The following JAZF1 variants were observed in gnomAD, a reference collection of about 807,000 sequenced individuals.
JAZF1 encodes the protein juxtaposed with another zinc finger protein 1.
Under a neutral mutation model 26.4 loss-of-function variants are expected in JAZF1, and 8 were observed. The observed-to-expected ratio is 0.30, with a 90% CI of 0.18 to 0.55. The LOEUF is 0.55. JAZF1 is among the 20% of genes least tolerant of loss of function. JAZF1 has a pLI of 0.94. For synonymous variants in JAZF1, 126 were observed against 122.3 expected (o/e 1.03, Z -0.20); for missense variants, 199 against 322.0 (o/e 0.62, Z 2.92).
chr7:28,120,303 A>G (rs1784818986), intron 1 of JAZF1, among the ~76,000 whole-genome samples: 1 of 151,874 alleles, frequency 6.6e-6, no homozygotes. Flanking sequence ...TGAACACTAC[A>G]GCCAAAGGAA....
intron 1 of JAZF1, among the ~76,000 whole-genome samples, chr7:28,118,429 C>A (rs944043798): frequency 2.0e-5 from 3 of 152,076 alleles, no homozygotes; most frequent in African/African-American, 7.2e-5. Flanking sequence ...GCAGGAGAAT[C>A]ACTTGAACCC....
intron 1 of JAZF1, among the ~76,000 whole-genome samples, chr7:28,067,783 T>C (rs762395801): frequency 6.6e-6 from 1 of 152,202 alleles, no homozygotes; most frequent in African/African-American, 2.4e-5. Context: ...ATCTTCAAAC[T>C]GTACAGATGG....
At chr7:27,952,552 G>C (rs1370240286) in intron 2 of JAZF1, among the ~76,000 whole-genome samples, 1 of 152,214 alleles carries the variant, frequency 6.6e-6, no homozygotes, top group African/African-American at 2.4e-5. Context: ...CTGAAATACA[G>C]ATCTGGCTAC....
chr7:27,921,549 C>T (rs909686063), intron 2 of JAZF1, among the ~76,000 whole-genome samples: 7 of 152,118 alleles, frequency 4.6e-5, no homozygotes, highest in Non-Finnish European at 7.4e-5. Context: ...TCGATTCTTC[C>T]AGAAGACTCA....
intron 1 of JAZF1, among the ~76,000 whole-genome samples, chr7:27,999,460 T>C (rs898618214): frequency 4.6e-5 from 7 of 152,108 alleles, no homozygotes; most frequent in African/African-American, 1.7e-4. Flanking sequence ...GGCAGGAACA[T>C]GAGGCTCTCG....
At chr7:27,887,988 C>T (rs1190557783) in intron 3 of JAZF1, among the ~76,000 whole-genome samples, 1 of 152,070 alleles carries the variant, frequency 6.6e-6, no homozygotes, top group Non-Finnish European at 1.5e-5. Flanking sequence ...AGGATTAGAA[C>T]AGAGTAGTAT....
At chr7:28,024,051 C>G (rs1783051204) in intron 1 of JAZF1, among the ~76,000 whole-genome samples, 2 of 151,478 alleles carry the variant, frequency 1.3e-5, no homozygotes, top group African/African-American at 4.9e-5. Context: ...TTTGGGAGGC[C>G]AAGGTGGGAG....
chr7:27,928,744 A>G (rs182896729), intron 2 of JAZF1, among the ~76,000 whole-genome samples: 44 of 152,350 alleles, frequency 2.9e-4, no homozygotes, highest in African/African-American at 1.1e-3. Flanking sequence ...TGATGAGAAC[A>G]CATGGACACA....
At chr7:28,086,044 C>T (rs960848642) in intron 1 of JAZF1, among the ~76,000 whole-genome samples, 2 of 152,206 alleles carry the variant, frequency 1.3e-5, no homozygotes, top group East Asian at 1.9e-4. Flanking sequence ...ATATGCCTAA[C>T]CCACACTGGG....
At chr7:28,160,479 G>A (rs1163806469) in intron 1 of JAZF1, among the ~76,000 whole-genome samples, 1 of 152,112 alleles carries the variant, frequency 6.6e-6, no homozygotes, top group Non-Finnish European at 1.5e-5. Context: ...CCTGGCACAC[G>A]GTAGGCGAGG....
chr7:28,129,804 A>C (rs1159541451), intron 1 of JAZF1, among the ~76,000 whole-genome samples: 2 of 152,254 alleles, frequency 1.3e-5, no homozygotes, highest in Non-Finnish European at 2.9e-5. Flanking sequence ...TCCAGAGATA[A>C]GTTGGTACAT....
rs201032259 is a variant in JAZF1, at chr7:28,091,355, A to G, written c.115+89108T>C. 1.6e-4 allele frequency among the ~76,000 whole-genome samples: 24 copies of G among 151,940 alleles called. No individual in the cohort carries two copies. The East Asian group carries it at 3.3e-3, about 21-fold the overall frequency. On this transcript the variant is annotated intron_variant, in intron 1 of 4. Transcript: ENST00000283928. ...TTATTTTTCACGACTATTTAAAACC[A>G]CAGTTGTTAAACTAGGTATTTATGA... is the stretch of plus-strand genomic sequence containing the variant.
chr7:27,962,953 T>C (rs981622488), intron 2 of JAZF1, among the ~76,000 whole-genome samples: 4 of 152,174 alleles, frequency 2.6e-5, no homozygotes, highest in African/African-American at 4.8e-5. Context: ...TTAACAGAAA[T>C]GATCTACCCA....
rs973745084 is a variant in JAZF1, at chr7:27,901,010, A to G, written c.189-5594T>C. ...TTTTTCTAAGAGACGTATTACCCAG[A>G]TAAAACTATGGTTGATATTTTAGGG... On this transcript the variant is annotated intron_variant, in intron 2 of 4. Coordinates refer to ENST00000283928, the MANE Select transcript of JAZF1 (RefSeq NM_175061.4). Among the ~76,000 whole-genome samples the G allele has an allele frequency of 5.3e-5, 8 of 151,310 alleles. No homozygotes were observed. In the South Asian group the frequency reaches 1.2e-3, roughly 24 times the overall value.
chr7:28,060,730 T>C (rs1325679588), intron 1 of JAZF1, among the ~76,000 whole-genome samples: 2 of 152,204 alleles, frequency 1.3e-5, no homozygotes, highest in Non-Finnish European at 2.9e-5. Context: ...ACCAGTTCCA[T>C]GGTGGGAGGA....
At chr7:27,996,417 G>C (rs1050912019) in intron 1 of JAZF1, among the ~76,000 whole-genome samples, 1 of 152,174 alleles carries the variant, frequency 6.6e-6, no homozygotes, top group Non-Finnish European at 1.5e-5. Context: ...GCAACAGTGG[G>C]AGGCCTGAGA....
At chr7:28,046,275 T>C (rs537859248) in intron 1 of JAZF1, among the ~76,000 whole-genome samples, 2 of 152,332 alleles carry the variant, frequency 1.3e-5, no homozygotes, top group East Asian at 3.9e-4. Context: ...AGCAACTTGC[T>C]CAAGGTCAAC....
intron 1 of JAZF1, among the ~76,000 whole-genome samples, chr7:28,090,161 A>C (rs1784271510): frequency 6.6e-6 from 1 of 152,236 alleles, no homozygotes; most frequent in Non-Finnish European, 1.5e-5. Context: ...CCTCAACTTA[A>C]AAATCAGTTT....
intron 2 of JAZF1, among the ~76,000 whole-genome samples, chr7:27,913,799 G>T (rs1784401177): frequency 6.6e-6 from 1 of 152,152 alleles, no homozygotes; most frequent in African/African-American, 2.4e-5. Context: ...TTAGTGAGTT[G>T]TTACCTAGCA....
Sources: gnomAD v4.1 joint callset for allele counts (sites outside exome capture counted in the v4.1 genomes callset) on GRCh38, gnomAD v4.1.1 for gene constraint, MANE v1.5 for transcripts, NCBI Gene and HGNC (gene_info 2026-07-23, HGNC 2026-07-21) for gene names.